TSPAN2: variants seen among roughly 807,000 people sequenced by gnomAD.
The protein encoded by TSPAN2 is tetraspanin 2.
Under a neutral mutation model 33.3 loss-of-function variants are expected in TSPAN2, and 24 were observed. That is an observed-to-expected ratio of 0.72 (90% confidence interval 0.52 to 1.01). The LOEUF is 1.01. Among genes scored for constraint, TSPAN2 ranks in the 50% least tolerant of loss-of-function variants. TSPAN2 has a pLI of 0.00. For synonymous variants in TSPAN2, 114 were observed against 104.5 expected (o/e 1.09, Z -0.56); for missense variants, 278 against 281.3 (o/e 0.99, Z 0.08).
intron 1 of TSPAN2, among the ~76,000 whole-genome samples, chr1:115,079,599 CA>C (rs1648547470): frequency 6.6e-6 from 1 of 152,096 alleles, no homozygotes; most frequent in Admixed American, 6.6e-5. Context: ...AGGGTTTTAT[CA>C]GAAAAAATAC....
chr1:115,082,059 G>C (rs1225547587), intron 1 of TSPAN2, among the ~76,000 whole-genome samples: 1 of 152,226 alleles, frequency 6.6e-6, no homozygotes, highest in Non-Finnish European at 1.5e-5. Context: ...GGCTAGGGCT[G>C]TCAAGAAGAC....
chr1:115,058,668 C>T (rs973758316), intron 5 of TSPAN2, among the ~76,000 whole-genome samples: 2 of 152,220 alleles, frequency 1.3e-5, no homozygotes, highest in Middle Eastern at 3.2e-3. Flanking sequence ...GGTTCATGCT[C>T]TTCTGTCTCT....
chr1:115,076,837 A>G (rs982897561), intron 1 of TSPAN2, among the ~76,000 whole-genome samples: 3 of 151,946 alleles, frequency 2.0e-5, no homozygotes, highest in Non-Finnish European at 2.9e-5. Context: ...AGGGAATCCA[A>G]CCCTGCAGGT....
rs1557885557 is a variant in TSPAN2, at chr1:115,082,582, C to A, written c.69+6782G>T. Among the ~76,000 whole-genome samples the A allele has an allele frequency of 3.3e-5, 5 of 152,318 alleles. No homozygotes were observed. In the South Asian group the frequency reaches 1.0e-3, roughly 32 times the overall value. Reference sequence around the variant, plus strand: ...CTGAAATTAACTTTTTAAACTGTCTCTTGATATATACCCTTTCTCAATTTC... The same window carrying A: ...CTGAAATTAACTTTTTAAACTGTCTATTGATATATACCCTTTCTCAATTTC... On this transcript the variant is annotated intron_variant, in intron 1 of 7. Transcript: ENST00000369516.
chr1:115,087,155 G>C (rs1432353335), intron 1 of TSPAN2, among the ~76,000 whole-genome samples: 1 of 151,882 alleles, frequency 6.6e-6, no homozygotes, highest in Non-Finnish European at 1.5e-5. Context: ...CTGACCTCAG[G>C]TGATCCGCCT....
chr1:115,083,949 A>G (rs906615441), intron 1 of TSPAN2, among the ~76,000 whole-genome samples: 1 of 152,224 alleles, frequency 6.6e-6, no homozygotes, highest in African/African-American at 2.4e-5. Flanking sequence ...GAGTGCCTCA[A>G]GATCAAGGGC....
intron 1 of TSPAN2, among the ~76,000 whole-genome samples, chr1:115,088,890 C>A (rs777613718): frequency 3.3e-5 from 5 of 152,204 alleles, no homozygotes; most frequent in Non-Finnish European, 5.9e-5. Context: ...AGTGTCCACA[C>A]ACTCGAATGG....
chr1:115,080,410 C>G (rs764656056), intron 1 of TSPAN2, among the ~76,000 whole-genome samples: 3 of 152,078 alleles, frequency 2.0e-5, no homozygotes, highest in Non-Finnish European at 4.4e-5. Flanking sequence ...CCTCCTCCCA[C>G]TACAAGCATG....
chr1:115,083,148 C>T (rs1648692695), intron 1 of TSPAN2, among the ~76,000 whole-genome samples: 1 of 152,170 alleles, frequency 6.6e-6, no homozygotes, highest in Non-Finnish European at 1.5e-5. Flanking sequence ...CTCTTTAATT[C>T]CTTAGCAACC....
chr1:115,072,812 C>G (rs73008215), intron 2 of TSPAN2, 93 bp downstream of exon 2: 7 of 1,109,796 alleles, frequency 6.3e-6, no homozygotes, highest in African/African-American at 6.1e-5. Context: ...CTGCCCTCCC[C>G]CTCCCACCAA....
chr1:115,057,502 C>G, intron 6 of TSPAN2, 35 bp downstream of exon 6: 1 of 1,593,202 alleles, frequency 6.3e-7, no homozygotes, highest in South Asian at 1.1e-5. Flanking sequence ...CAGCATGATA[C>G]TACAGGTAGA....
chr1:115,084,152 T>C (rs1292034627), intron 1 of TSPAN2, among the ~76,000 whole-genome samples: 1 of 152,258 alleles, frequency 6.6e-6, no homozygotes, highest in African/African-American at 2.4e-5. Flanking sequence ...CTTTCCCATT[T>C]GTACTTCTAG....
At chr1:115,057,698 C>G (rs1422848836) in intron 5 of TSPAN2, 90 bp from the exon 6 acceptor site, 1 of 1,248,204 alleles carries the variant, frequency 8.0e-7, no homozygotes, top group Non-Finnish European at 1.2e-6. Flanking sequence ...GGTGCCGAGG[C>G]GGCAAAGCAG....
At chr1:115,068,416 G>A (rs1035272934) in intron 2 of TSPAN2, among the ~76,000 whole-genome samples, 2 of 152,242 alleles carry the variant, frequency 1.3e-5, no homozygotes, top group African/African-American at 4.8e-5. Flanking sequence ...CTAGACAAGT[G>A]TGTCTTCCTG....
chr1:115,082,656 C>G (rs935511391), intron 1 of TSPAN2, among the ~76,000 whole-genome samples: 1 of 152,176 alleles, frequency 6.6e-6, no homozygotes, highest in Non-Finnish European at 1.5e-5. Flanking sequence ...TTCCCAACCT[C>G]TCTCCTTCCT....
At chr1:115,053,289 T>C (rs1647259102) in intron 7 of TSPAN2, 90 bp downstream of exon 7, 1 of 1,152,746 alleles carries the variant, frequency 8.7e-7, no homozygotes, top group South Asian at 1.3e-5. Flanking sequence ...GAATTCTCTC[T>C]TAAGATACTA....
intron 3 of TSPAN2, among the ~76,000 whole-genome samples, chr1:115,060,885 T>A (rs1647691181): frequency 6.6e-6 from 1 of 151,490 alleles, no homozygotes; most frequent in Admixed American, 6.6e-5. Flanking sequence ...GGCACCTACG[T>A]GCTTAGTAAA....
In TSPAN2 at chr1:115,072,448, A is replaced by G. The variant is rs570587640; in HGVS notation, c.172+457T>C. Among the ~76,000 whole-genome samples the G allele has an allele frequency of 6.6e-5, 10 of 152,346 alleles. No homozygotes were observed. In the East Asian group the frequency reaches 1.9e-3, roughly 29 times the overall value. ...TGTTTTTTCCTAGACAATTTAAAATATAAGATCACAAAATAAAATCCTACA... is the reference window on the plus strand; with the variant it reads ...TGTTTTTTCCTAGACAATTTAAAATGTAAGATCACAAAATAAAATCCTACA... On this transcript the variant is annotated intron_variant, in intron 2 of 7. Coordinates refer to ENST00000369516, the MANE Select transcript of TSPAN2 (RefSeq NM_005725.6).
chr1:115,072,819 C>A, intron 2 of TSPAN2, 86 bp downstream of exon 2: 3 of 1,213,592 alleles, frequency 2.5e-6, no homozygotes, highest in South Asian at 2.5e-5. Context: ...CCCCCTCCCA[C>A]CAAAGTTCAA....
Sources: allele counts gnomAD v4.1 joint callset (sites outside exome capture counted in the v4.1 genomes callset), GRCh38; gene constraint gnomAD v4.1.1; transcripts MANE v1.5; gene names NCBI Gene and HGNC (gene_info 2026-07-23, HGNC 2026-07-21).